SIMC1: variants seen among roughly 807,000 people sequenced by gnomAD.
SIMC1 encodes the protein SUMO-interacting motif-containing protein 1.
In SIMC1, 55 loss-of-function variants were observed where a neutral mutation model predicts 82.3. The observed-to-expected ratio is 0.67, with a 90% CI of 0.54 to 0.84. The LOEUF is 0.84. SIMC1 is among the 40% of genes least tolerant of loss of function. The probability of loss-of-function intolerance (pLI) is 0.00; values close to 1 mark genes in which losing one functional copy is unlikely to be tolerated. For synonymous variants in SIMC1, 353 were observed against 426.3 expected, an observed-to-expected ratio of 0.83 and a Z score of 2.12; for missense variants, 915 against 1,107.2, an observed-to-expected ratio of 0.83 and a Z score of 2.46.
intron 1 of SIMC1, among the ~76,000 whole-genome samples, chr5:176,264,303 C>T (rs1762117090): frequency 6.6e-6 from 1 of 152,278 alleles, no homozygotes; most frequent in South Asian, 2.1e-4. Flanking sequence ...CCACATTTCC[C>T]CTTGGCACTG....
Position 176,291,616 on chromosome 5 carries a change from G to A in SIMC1, c.1431+661G>A, listed in dbSNP as rs377488088. Among the ~76,000 whole-genome samples, 105 of 150,232 alleles carry A rather than the reference G, an allele frequency of 7.0e-4. No individual in the cohort carries two copies. In the East Asian group the frequency reaches 7.9e-3, roughly 11 times the overall value. On this transcript the variant is annotated intron_variant, in intron 2 of 9. Coordinates refer to ENST00000429602, the MANE Select transcript of SIMC1 (RefSeq NM_001308195.2). ...CTCCCAAAGTGCTAGGATTACAGGC[G>A]TGAGCCACCGCGCCTGGCACGCCCG...
intron 1 of SIMC1, among the ~76,000 whole-genome samples, chr5:176,285,741 A>G (rs548060286): frequency 1.6e-3 from 239 of 152,332 alleles, no homozygotes; most frequent in African/African-American, 5.5e-3. Flanking sequence ...AGAAAACCCC[A>G]TCGTCTCAGC....
chr5:176,308,290 T>C, intron 4 of SIMC1: 1 of 1,468,712 alleles, frequency 6.8e-7, no homozygotes, highest in East Asian at 2.3e-5. Context: ...ACATTCGTTC[T>C]GTCATCATCT....
At chr5:176,257,666 G>C (rs1375910442) in intron 1 of SIMC1, among the ~76,000 whole-genome samples, 4 of 152,086 alleles carry the variant, frequency 2.6e-5, no homozygotes, top group Admixed American at 6.5e-5. Flanking sequence ...TCAACATATG[G>C]GGAATACATA....
At chr5:176,340,035 A>C (rs534372538) in intron 9 of SIMC1, among the ~76,000 whole-genome samples, 1 of 152,254 alleles carries the variant, frequency 6.6e-6, no homozygotes, top group South Asian at 2.1e-4. Context: ...CAAGAGTGGG[A>C]GAAGAAGGGA....
In SIMC1 at chr5:176,345,277, C is replaced by G. The variant is rs367747418; in HGVS notation, c.2508C>G (p.Asp836Glu). ...AAGGAGATGACATCACAGTGGTAGA[C>G]GTAGAGAAGCAGATTGAGGCCTTCC... is the stretch of plus-strand genomic sequence containing the variant. Reference protein sequence around the residue: ...PQQGDDITVVDVEKQIEAFRS... With the variant: ...PQQGDDITVVEVEKQIEAFRS... Residue 836 changes from aspartate (D) to glutamate (E), a missense_variant, in exon 10 of 10, where the codon GAC (aspartate) becomes GAG (glutamate). By Grantham distance (45) the Asp-to-Glu change is conservative. Transcript: ENST00000429602. The G allele has an allele frequency of 3.7e-6, 6 of 1,613,932 alleles. No homozygotes were observed. The East Asian group carries it at 1.1e-4, about 30-fold the overall frequency.
chr5:176,317,357 G>C (rs4597991), intron 5 of SIMC1, among the ~76,000 whole-genome samples: 1 of 152,110 alleles, frequency 6.6e-6, no homozygotes, highest in Non-Finnish European at 1.5e-5. Context: ...GTTTCTACAA[G>C]ACTTCAGAAA....
chr5:176,288,624 A>G (rs76236599), intron 1 of SIMC1, among the ~76,000 whole-genome samples: 28 of 152,094 alleles, frequency 1.8e-4, no homozygotes, highest in African/African-American at 6.0e-4. Flanking sequence ...GAGGCATTAG[A>G]TTTCACCAAG....
intron 8 of SIMC1, 31 bp downstream of exon 8, chr5:176,336,907 A>G (rs3749802): frequency 0.042 from 67,823 of 1,613,082 alleles, 1,904 homozygotes; most frequent in African/African-American, 0.12. Flanking sequence ...TTTCAGGCCT[A>G]GAGCACCTCT....
chr5:176,322,290 T>C lies in SIMC1; in HGVS notation c.1907T>C (p.Leu636Pro), dbSNP rs1394725187. The C allele has an allele frequency of 6.4e-7, 1 of 1,565,674 alleles. No homozygotes were observed. Among genetic ancestry groups the C allele is most frequent in the Non-Finnish European group, 8.7e-7 (1 of 1,154,414 alleles). Residue 636 changes from leucine to proline, a missense_variant, in exon 6 of 10, where the codon CTG becomes CCG. By Grantham distance (98) the Leu-to-Pro change is moderately conservative. This residue lies in a region of SIMC1 where 902 missense variants were observed against 1,040.3 expected (regional missense o/e 0.87). Coordinates refer to ENST00000429602, the MANE Select transcript of SIMC1 (RefSeq NM_001308195.2). Reference sequence around the variant, plus strand: ...CATTACAGGGATGTTATCAAGTGGCTGGTCAAAGCAGTAACTGAAGATGGA... The same window carrying C: ...CATTACAGGGATGTTATCAAGTGGCCGGTCAAAGCAGTAACTGAAGATGGA... ...PHNVRDVIKW[L>P]VKAVTEDGLT...
intron 4 of SIMC1, among the ~76,000 whole-genome samples, chr5:176,298,860 C>CA (rs576467573): frequency 6.0e-5 from 9 of 150,562 alleles, no homozygotes; most frequent in East Asian, 2.0e-4. Flanking sequence ...CATGTCACTA[C>CA]AAAAAAAATC....
chr5:176,315,178 G>T (rs897052667), intron 5 of SIMC1, among the ~76,000 whole-genome samples: 1 of 152,178 alleles, frequency 6.6e-6, no homozygotes, highest in Non-Finnish European at 1.5e-5. Flanking sequence ...TCCAGCATCT[G>T]TTTCTGGTGA....
chr5:176,284,135 A>G lies in SIMC1; in HGVS notation c.130-5519A>G, dbSNP rs189526056. Among the ~76,000 whole-genome samples the G allele has an allele frequency of 3.7e-3, 562 of 152,274 alleles. 3 individuals are homozygous for G. The highest frequency in any genetic ancestry group is 0.013 in the African/African-American group (534 of 41,546). On this transcript the variant is annotated intron_variant, in intron 1 of 9. Transcript: ENST00000429602. ...GATCAATGAGATAGAAAGTCAACAA[A>G]GATATCCAGGAATTGAACTCAGCTC...
intron 9 of SIMC1, among the ~76,000 whole-genome samples, chr5:176,339,230 G>A (rs1766028350): frequency 6.6e-6 from 1 of 152,156 alleles, no homozygotes; most frequent in Admixed American, 6.5e-5. Flanking sequence ...TGGGTATAGT[G>A]GCGGGGTCTT....
intron 2 of SIMC1, among the ~76,000 whole-genome samples, chr5:176,292,846 A>G (rs1394237801): frequency 6.6e-6 from 1 of 152,184 alleles, no homozygotes; most frequent in Non-Finnish European, 1.5e-5. Context: ...CGGCCCAGAC[A>G]GCATTTATTA....
At position 176,290,340 on chromosome 5, in the gene SIMC1, G is replaced by A. The variant is rs1172972829; in HGVS notation, c.816G>A (p.Arg272=). 1 of 1,613,764 alleles carries A rather than the reference G, an allele frequency of 6.2e-7. No homozygotes were observed. Among genetic ancestry groups the A allele is most frequent in the Non-Finnish European group, 8.5e-7 (1 of 1,179,888 alleles). ...CACCTCAAGAAGTGCCATGCCCTCG[G>A]CAGAATATCCCAGGCCCACCTCAAG... The part of the protein sequence containing the change: ...THPPQEVPCP[R]QNIPGPPQDS... Residue 272 remains arginine, a synonymous_variant, in exon 2 of 10, where the codon CGG becomes CGA. Coordinates refer to ENST00000429602, the MANE Select transcript of SIMC1 (RefSeq NM_001308195.2).
intron 1 of SIMC1, among the ~76,000 whole-genome samples, chr5:176,252,128 G>A (rs1027717483): frequency 1.6e-4 from 24 of 152,188 alleles, no homozygotes; most frequent in Non-Finnish European, 3.2e-4. Flanking sequence ...TGGCCGGGCA[G>A]AGGGGCTCCT....
intron 1 of SIMC1, among the ~76,000 whole-genome samples, chr5:176,263,666 A>G (rs142004130): frequency 2.6e-5 from 4 of 152,196 alleles, no homozygotes; most frequent in South Asian, 2.1e-4. Context: ...TTGGGGATCA[A>G]ATTTTAACCT....
chr5:176,252,779 C>G (rs1167222982), intron 1 of SIMC1, among the ~76,000 whole-genome samples: 1 of 152,202 alleles, frequency 6.6e-6, no homozygotes, highest in Non-Finnish European at 1.5e-5. Flanking sequence ...TTTGGGGGGC[C>G]AAGGCAGGCG....
Sources: allele counts gnomAD v4.1 joint callset (sites outside exome capture counted in the v4.1 genomes callset), GRCh38; gene constraint gnomAD v4.1.1; regional missense constraint gnomAD v4.1.1; transcripts MANE v1.5; gene names NCBI Gene and HGNC (gene_info 2026-07-23, HGNC 2026-07-21).